Variants in GCNT2 observed in about 807,000 individuals in gnomAD.
GCNT2 encodes N-acetyllactosaminide beta-1,6-N-acetylglucosaminyl-transferase.
GCNT2 carries 34 observed loss-of-function variants against 34.2 expected under a neutral mutation model. The observed-to-expected ratio is 1.00, with a 90% CI of 0.76 to 1.32. The LOEUF (loss-of-function observed/expected upper bound fraction) is 1.32, where lower values mean the gene tolerates loss of function less well. GCNT2 is among the 40% of genes most tolerant of loss of function. The pLI is 0.00. For synonymous variants in GCNT2, 212 were observed against 188.0 expected (o/e 1.13, Z -1.04); for missense variants, 584 against 489.4 (o/e 1.19, Z -1.82).
intron 3 of GCNT2, chr6:10,557,081 C>T: frequency 6.3e-7 from 1 of 1,591,998 alleles, no homozygotes; most frequent in African/African-American, 1.3e-5. Context: ...GGTGCTGCCC[C>T]CAGCTCATGC....
At chr6:10,530,783 A>G (rs1761449932) in intron 3 of GCNT2, among the ~76,000 whole-genome samples, 1 of 152,046 alleles carries the variant, frequency 6.6e-6, no homozygotes, top group South Asian at 2.1e-4. Context: ...GGCTGAGCGC[A>G]GTGGCTCACA....
At chr6:10,625,635 A>T (rs1291771807) in intron 4 of GCNT2, among the ~76,000 whole-genome samples, 2 of 152,182 alleles carry the variant, frequency 1.3e-5, no homozygotes, top group East Asian at 3.9e-4. Flanking sequence ...AGACTTACTC[A>T]ACGCAACCCA....
chr6:10,586,574 C>G (rs780297302), intron 3 of GCNT2: 1 of 1,614,028 alleles, frequency 6.2e-7, no homozygotes, highest in Non-Finnish European at 8.5e-7. Context: ...GACAAGACTT[C>G]CCCCTGAAAA....
intron 3 of GCNT2, among the ~76,000 whole-genome samples, chr6:10,611,772 C>G (rs1424056327): frequency 6.6e-6 from 1 of 152,144 alleles, no homozygotes; most frequent in Non-Finnish European, 1.5e-5. Context: ...GAATTAGTCA[C>G]AAGCACAATT....
intron 3 of GCNT2, among the ~76,000 whole-genome samples, chr6:10,581,043 A>G (rs2127406841): frequency 6.6e-6 from 1 of 152,146 alleles, no homozygotes; most frequent in East Asian, 1.9e-4. Context: ...CCCTGGTTGG[A>G]AGTTAATAGC....
At chr6:10,601,281 T>A (rs1287510639) in intron 3 of GCNT2, among the ~76,000 whole-genome samples, 2 of 152,230 alleles carry the variant, frequency 1.3e-5, no homozygotes, top group Non-Finnish European at 2.9e-5. Flanking sequence ...TTTAATTATG[T>A]AATTAAACTT....
intron 3 of GCNT2, among the ~76,000 whole-genome samples, chr6:10,571,324 TATG>T (rs1180355183): frequency 6.6e-6 from 1 of 151,108 alleles, no homozygotes; most frequent in African/African-American, 2.4e-5. Flanking sequence ...TAGTAGAAAT[TATG>T]ATGATGATCA....
chr6:10,568,263 A>G (rs180952430), intron 3 of GCNT2, among the ~76,000 whole-genome samples: 33 of 151,344 alleles, frequency 2.2e-4, no homozygotes, highest in African/African-American at 7.8e-4. Flanking sequence ...GCCTGCTGAC[A>G]TCTCCCTACT....
chr6:10,551,220 C>A (rs944821604), intron 3 of GCNT2, among the ~76,000 whole-genome samples: 1 of 152,060 alleles, frequency 6.6e-6, no homozygotes, highest in Non-Finnish European at 1.5e-5. Flanking sequence ...TGTATACTGT[C>A]TTTTGCAAGT....
At chr6:10,530,603 G>A (rs1761439738) in intron 3 of GCNT2, among the ~76,000 whole-genome samples, 1 of 152,252 alleles carries the variant, frequency 6.6e-6, no homozygotes, top group East Asian at 1.9e-4. Context: ...AGGCATGGTG[G>A]CTCACGCCTG....
intron 3 of GCNT2, among the ~76,000 whole-genome samples, chr6:10,533,801 A>C (rs1460828979): frequency 2.6e-5 from 1 of 38,466 alleles, no homozygotes; most frequent in African/African-American, 9.9e-5. Flanking sequence ...ACTCTGTCTC[A>C]AAAAAAAAAA....
In GCNT2 at chr6:10,568,511, G is replaced by A. The variant is rs550757793; in HGVS notation, c.925+38675G>A. On this transcript the variant is annotated intron_variant, in intron 3 of 4. Transcript: ENST00000495262. Reference sequence around the variant, plus strand: ...CCACTCCAAGTGGTCTCTCTGGCCCGAGTCTCCCTCTTCAAACCATTCTAA... The same window carrying A: ...CCACTCCAAGTGGTCTCTCTGGCCCAAGTCTCCCTCTTCAAACCATTCTAA... 2.6e-5 allele frequency among the ~76,000 whole-genome samples: 4 copies of A among 152,134 alleles called. 1 individual carries two copies. Among genetic ancestry groups the A allele is most frequent in the South Asian group, 2.1e-4 (1 of 4,824 alleles).
At chr6:10,621,484 G>C in intron 4 of GCNT2, 41 bp downstream of exon 4, 7 of 1,256,134 alleles carry the variant, frequency 5.6e-6, no homozygotes, top group South Asian at 1.2e-5. Context: ...CTGCCTGTTG[G>C]TGTTAGCAGG....
At chr6:10,574,337 T>C (rs2127399816) in intron 3 of GCNT2, among the ~76,000 whole-genome samples, 1 of 152,230 alleles carries the variant, frequency 6.6e-6, no homozygotes, top group African/African-American at 2.4e-5. Context: ...CCTCTTTAAC[T>C]CTCACCGCCT....
chr6:10,538,676 C>T (rs1444362752), intron 3 of GCNT2, among the ~76,000 whole-genome samples: 1 of 151,646 alleles, frequency 6.6e-6, no homozygotes, highest in Non-Finnish European at 1.5e-5. Flanking sequence ...TTCCCCAGAT[C>T]AGAAATTGCC....
intron 3 of GCNT2, among the ~76,000 whole-genome samples, chr6:10,542,829 G>T (rs1265623714): frequency 6.6e-6 from 1 of 150,996 alleles, no homozygotes; most frequent in Non-Finnish European, 1.5e-5. Flanking sequence ...TCACTATGGG[G>T]ACACATGTTT....
At chr6:10,550,390 C>T (rs934622980) in intron 3 of GCNT2, among the ~76,000 whole-genome samples, 1 of 151,444 alleles carries the variant, frequency 6.6e-6, no homozygotes, top group African/African-American at 2.4e-5. Flanking sequence ...GAGATAGGGT[C>T]ATTGAGAAAA....
At position 10,557,261 on chromosome 6, in the gene GCNT2, C is replaced by G; in HGVS notation, c.925+27425C>G. ...TGCCAACTTTGTTCTGCATGACCCA[C>G]GGGCTGTTGATTTGCTCCAGTGGTC... is the stretch of plus-strand genomic sequence containing the variant. On this transcript the variant is annotated intron_variant, in intron 3 of 4. Coordinates refer to ENST00000495262, the MANE Select transcript of GCNT2 (RefSeq NM_145649.5). 3.1e-6 allele frequency: 5 copies of G among 1,611,284 alleles called. No homozygotes were observed. In the South Asian group the frequency reaches 5.5e-5, roughly 18 times the overall value.
chr6:10,542,537 A>C (rs1443793508), intron 3 of GCNT2, among the ~76,000 whole-genome samples: 2 of 151,682 alleles, frequency 1.3e-5, no homozygotes, highest in Non-Finnish European at 2.9e-5. Flanking sequence ...TCCACACCCA[A>C]CCCCTGCTTT....
Sources: allele counts gnomAD v4.1 joint callset (sites outside exome capture counted in the v4.1 genomes callset), GRCh38; gene constraint gnomAD v4.1.1; transcripts MANE v1.5; gene names NCBI Gene and HGNC (gene_info 2026-07-23, HGNC 2026-07-21).